BRWD1: variants seen among roughly 807,000 people sequenced by gnomAD.
BRWD1 encodes the protein bromodomain and WD repeat-containing protein 1.
In BRWD1, 82 loss-of-function variants were observed where a neutral mutation model predicts 251.2. The observed-to-expected ratio is 0.33, with a 90% confidence interval of 0.27 to 0.39. The LOEUF (loss-of-function observed/expected upper bound fraction) is 0.39, where lower values mean the gene tolerates loss of function less well. Ranked by LOEUF, BRWD1 falls within the 10% of genes least tolerant of loss-of-function variation. BRWD1 has a pLI of 1.00. For missense variants in BRWD1, 2,233 were observed against 2,711.6 expected (o/e 0.82, Z 3.92); for synonymous variants, 918 against 902.8 (o/e 1.02, Z -0.30).
intron 25 of BRWD1, among the ~76,000 whole-genome samples, chr21:39,230,959 C>A (rs142065331): frequency 6.6e-6 from 1 of 152,048 alleles, no homozygotes; most frequent in Non-Finnish European, 1.5e-5. Flanking sequence ...AAAGCAAGTA[C>A]GCAGTTCACA....
In BRWD1 at chr21:39,188,722, G is replaced by C; in HGVS notation, c.*7537C>G. The C allele has an allele frequency of 7.1e-6, 7 of 985,370 alleles. No individual in the cohort carries two copies. Among genetic ancestry groups the C allele is most frequent in the Non-Finnish European group, 7.2e-6 (6 of 829,908 alleles). The allele number at this position is 985,370 out of a possible 1,614,324, so 61.0% of individuals were successfully genotyped here. On this transcript the variant is annotated 3_prime_UTR_variant, in exon 41 of 41. Coordinates refer to ENST00000342449, the MANE Select transcript of BRWD1 (RefSeq NM_033656.4). ...TGAAACTGATTTCACACTTCTCTAA[G>C]ATCAGTTGAGCGTTCTCCCCAGAAT...
chr21:39,248,987 A>G (rs2034301684), intron 20 of BRWD1, among the ~76,000 whole-genome samples: 1 of 152,190 alleles, frequency 6.6e-6, no homozygotes, highest in Non-Finnish European at 1.5e-5. Flanking sequence ...GGTAGACTGG[A>G]TAAAGAAAAT....
chr21:39,228,381 C>G lies in BRWD1; in HGVS notation c.3208+119G>C, dbSNP rs187835079. 32 of 672,098 alleles carry G rather than the reference C, an allele frequency of 4.8e-5. No homozygotes were observed. In the Admixed American group the frequency reaches 4.9e-4, roughly 10 times the overall value. 41.6% of individuals were successfully genotyped at this position (672,098 alleles called of 1,614,324 possible). A position where few individuals can be genotyped will look rare whatever the true frequency, so the allele number is the denominator to read the frequency against. ...AAATATATTTATAGGTCACTTATAT[C>G]TCTTCTGGAATTTACATGTTTGTAT... On this transcript the variant is annotated intron_variant, in intron 27 of 40. Transcript: ENST00000342449.
chr21:39,198,840 C>A lies in BRWD1; in HGVS notation c.5576G>T (p.Cys1859Phe). ...LNCDPIAMSQ[C>F]SSDHGCETDL... is the part of the protein sequence containing the mutation. The stretch of plus-strand genomic sequence containing the variant: ...AGTTTCACATCCATGATCTGAGGAA[C>A]ACTGGGACATAGCAATAGGGTCACA... Residue 1859 changes from cysteine (C) to phenylalanine (F), a missense_variant, in exon 40 of 41, where the codon TGT becomes TTT. Transcript: ENST00000342449. 6.2e-7 allele frequency: 1 copy of A among 1,613,894 alleles called. No individual in the cohort carries two copies. The highest frequency in any genetic ancestry group is 8.5e-7 in the Non-Finnish European group (1 of 1,179,840).
At chr21:39,224,525 A>G in intron 28 of BRWD1, 56 bp from the exon 29 acceptor site, 1 of 1,115,896 alleles carries the variant, frequency 9.0e-7, no homozygotes, top group Admixed American at 2.1e-5. Context: ...AATGTGGATA[A>G]TAGGTATCCA....
At chr21:39,281,318 GA>G (rs2035450412) in intron 8 of BRWD1, among the ~76,000 whole-genome samples, 1 of 152,180 alleles carries the variant, frequency 6.6e-6, no homozygotes, top group South Asian at 2.1e-4. Flanking sequence ...GTTAATCTAA[GA>G]AGCAAGAAGC....
chr21:39,258,666 C>T lies in BRWD1; in HGVS notation c.1892G>A (p.Gly631Glu). 1 of 1,580,216 alleles carries T rather than the reference C, an allele frequency of 6.3e-7. No homozygotes were observed. The highest frequency in any genetic ancestry group is 8.6e-7 in the Non-Finnish European group (1 of 1,166,310). The change falls in exon 18 of 41, where the codon GGA becomes GAA. Residue 631 changes from glycine (G) to glutamate (E), a missense_variant. Physicochemically the swap from Gly to Glu is moderately conservative, Grantham distance 98. Coordinates refer to ENST00000342449, the MANE Select transcript of BRWD1 (RefSeq NM_033656.4). Reference sequence around the variant, plus strand: ...GCTTATAATTTGTTCAATCACCTCTCCATCACCTACAAATTCAATTATTTA... The same window carrying T: ...GCTTATAATTTGTTCAATCACCTCTTCATCACCTACAAATTCAATTATTTA... Reference protein sequence around the residue: ...PQLGYVATSDGEVIEQIISLQ... With the variant: ...PQLGYVATSDEEVIEQIISLQ...
intron 40 of BRWD1, 131 bp downstream of exon 40, chr21:39,198,632 A>G (rs1436566033): frequency 1.4e-6 from 1 of 693,594 alleles, no homozygotes; most frequent in East Asian, 2.7e-5. Context: ...CACAGAATGC[A>G]TGGGAGGGAG....
intron 4 of BRWD1, among the ~76,000 whole-genome samples, chr21:39,301,677 T>A (rs1417703468): frequency 6.6e-6 from 1 of 152,074 alleles, no homozygotes; most frequent in African/African-American, 2.4e-5. Context: ...AACAACAAAT[T>A]AGTGTAGTTT....
At chr21:39,199,751 T>C in intron 39 of BRWD1, 89 bp from the exon 40 acceptor site, 1 of 1,284,260 alleles carries the variant, frequency 7.8e-7, no homozygotes, top group South Asian at 1.5e-5. Flanking sequence ...TTCTTCACTT[T>C]TTTGGGGGGC....
intron 4 of BRWD1, chr21:39,312,629 G>A (rs951710445): frequency 2.1e-5 from 8 of 387,870 alleles, no homozygotes; most frequent in Non-Finnish European, 3.3e-5. Flanking sequence ...GCTCCGCCCC[G>A]CGCCGCCCCC....
intron 7 of BRWD1, 106 bp downstream of exon 7, chr21:39,295,637 C>T (rs2035942650): frequency 6.3e-6 from 6 of 953,408 alleles, no homozygotes; most frequent in Non-Finnish European, 8.9e-6. Context: ...CCTACTGAGT[C>T]AAAATCTCTG....
chr21:39,247,014 G>A (rs189256087), intron 21 of BRWD1, among the ~76,000 whole-genome samples: 83 of 151,906 alleles, frequency 5.5e-4, no homozygotes, highest in African/African-American at 1.8e-3. Context: ...GGAGGCAGAG[G>A]TTGCAGTGAG....
chr21:39,261,689 T>C (rs536061796), intron 17 of BRWD1, among the ~76,000 whole-genome samples: 50 of 150,776 alleles, frequency 3.3e-4, no homozygotes, highest in African/African-American at 1.1e-3. Flanking sequence ...AAGCAACCAT[T>C]ACATACAAAT....
At position 39,213,465 on chromosome 21, in the gene BRWD1, TCAA is replaced by T; in HGVS notation, c.3858+13_3858+15del. 1 of 1,599,428 alleles carries T rather than the reference TCAA, an allele frequency of 6.3e-7. No individual in the cohort carries two copies. The highest frequency in any genetic ancestry group is 1.3e-5 in the African/African-American group (1 of 74,442). ...GAAATTAACAAAAACCATTATAAAA[TCAA>T]CAAACTTCATACCAAATCCTCAGCA... is the stretch of plus-strand genomic sequence containing the variant. On this transcript the variant is annotated intron_variant, in intron 33 of 40. Transcript: ENST00000342449.
intron 8 of BRWD1, among the ~76,000 whole-genome samples, chr21:39,292,489 T>A (rs970391250): frequency 6.6e-6 from 1 of 152,132 alleles, no homozygotes; most frequent in Non-Finnish European, 1.5e-5. Context: ...CAATTCTCTA[T>A]CAGTGATGAA....
rs2031644366 is a variant in BRWD1 at position 39,193,220 on chromosome 21, C to T, written c.*3039G>A. 3.0e-6 allele frequency: 3 copies of T among 985,062 alleles called. No homozygotes were observed. Among genetic ancestry groups the T allele is most frequent in the Non-Finnish European group, 3.6e-6 (3 of 829,698 alleles). 61.0% of individuals were successfully genotyped at this position (985,062 alleles called of 1,614,324 possible). A position where few individuals can be genotyped will look rare whatever the true frequency, so the allele number is the denominator to read the frequency against. ...GTGCAGCTCTACTATTTGAAAGGAA[C>T]CTTTCTGTTGTAATTTACAAGCTGT... On this transcript the variant is annotated 3_prime_UTR_variant, in exon 41 of 41. Transcript: ENST00000342449.
chr21:39,232,133 T>C, intron 25 of BRWD1, 44 bp downstream of exon 25: 1 of 1,357,438 alleles, frequency 7.4e-7, no homozygotes. Flanking sequence ...TTTAACTATG[T>C]ATGTGCTAAA....
At chr21:39,291,234 C>T (rs544034813) in intron 8 of BRWD1, among the ~76,000 whole-genome samples, 73 of 152,278 alleles carry the variant, frequency 4.8e-4, no homozygotes, top group Middle Eastern at 3.4e-3. Flanking sequence ...AAATTTCACA[C>T]CAAATCTATT....
Sources: allele counts gnomAD v4.1 joint callset (sites outside exome capture counted in the v4.1 genomes callset), GRCh38; gene constraint gnomAD v4.1.1; transcripts MANE v1.5; gene names NCBI Gene and HGNC (gene_info 2026-07-23, HGNC 2026-07-21).